Variants in ZP4 observed in about 807,000 individuals in gnomAD.
The protein encoded by ZP4 is zona pellucida sperm-binding protein 4.
A neutral mutation model predicts 62.3 loss-of-function variants in ZP4; 62 were observed. The ratio of observed to expected loss-of-function variants is 0.99; its 90% CI spans 0.81 to 1.23. The LOEUF (loss-of-function observed/expected upper bound fraction) is 1.23, where lower values mean the gene tolerates loss of function less well. ZP4 is among the 50% of genes most tolerant of loss of function. The pLI is 0.00. For missense variants in ZP4, 774 were observed against 656.0 expected (o/e 1.18, Z -1.97); for synonymous variants, 289 against 247.3 (o/e 1.17, Z -1.58).
chr1:237,884,694 G>T, intron 10 of ZP4, 75 bp downstream of exon 10: 3 of 1,384,676 alleles, frequency 2.2e-6, no homozygotes, highest in Non-Finnish European at 3.0e-6. Context: ...GAGTTGTTTG[G>T]CCAGAGACTA....
At chr1:237,883,989 C>CACACACACAA (rs1558530785) in intron 10 of ZP4, among the ~76,000 whole-genome samples, 3 of 49,034 alleles carry the variant, frequency 6.1e-5, no homozygotes, top group African/African-American at 2.4e-4. Context: ...CACAAACACA[C>CACACACACAA]ACACACACAC....
At chr1:237,883,997 C>CACACACACACACAA (rs1665018872) in intron 10 of ZP4, among the ~76,000 whole-genome samples, 5 of 98,904 alleles carry the variant, frequency 5.1e-5, no homozygotes, top group African/African-American at 2.4e-4. Flanking sequence ...CACACACACA[C>CACACACACACACAA]ACACACACAC....
Position 237,885,792 on chromosome 1 carries a change from G to T in ZP4, c.934C>A (p.Pro312Thr), listed in dbSNP as rs1301890553. Residue 312 changes from proline to threonine, a missense_variant, in exon 7 of 12, where the codon CCT becomes ACT. By Grantham distance (38) the Pro-to-Thr change is conservative. Coordinates refer to ENST00000366570, the MANE Select transcript of ZP4 (RefSeq NM_021186.5). ...TGAAGTTCCAGAGTGAGGGGTCCAG[G>T]CTGGGTCTCAGGAAAGGGTGGTGGG... ...TLPPPFPETQ[P>T]GPLTLELQIA... The T allele has an allele frequency of 6.2e-7, 1 of 1,614,142 alleles. No individual in the cohort carries two copies. The highest frequency in any genetic ancestry group is 1.1e-5 in the South Asian group (1 of 91,074).
chr1:237,883,917 G>A (rs1278965357), intron 10 of ZP4, among the ~76,000 whole-genome samples: 2 of 150,940 alleles, frequency 1.3e-5, no homozygotes, highest in East Asian at 3.9e-4. Context: ...CTGTAATCAT[G>A]CCATTGTACT....
chr1:237,884,180 A>G (rs1030841561), intron 10 of ZP4, among the ~76,000 whole-genome samples: 1 of 152,168 alleles, frequency 6.6e-6, no homozygotes, highest in Non-Finnish European at 1.5e-5. Flanking sequence ...AGTAGTGATA[A>G]TATGCATTTT....
At chr1:237,885,111 G>C (rs568918206) in intron 9 of ZP4, 54 bp downstream of exon 9, 6 of 1,588,408 alleles carry the variant, frequency 3.8e-6, no homozygotes, top group South Asian at 1.2e-5. Flanking sequence ...GGAAACAGTT[G>C]TAAGTTGGGG....
In ZP4 at chr1:237,890,673, G is replaced by C. The variant is rs775386290; in HGVS notation, c.-38C>G. 6.3e-7 allele frequency: 1 copy of C among 1,592,546 alleles called. No homozygotes were observed. The highest frequency in any genetic ancestry group is 1.1e-5 in the South Asian group (1 of 87,944). On this transcript the variant is annotated 5_prime_UTR_variant, in exon 1 of 12. Transcript: ENST00000366570. ...AGTTCCTGCCGGCTGCAGACTCTCC[G>C]CCTCCTCTCCCAAGAGCCGAGGGTC...
chr1:237,884,015 CAAACACACACACACACAA>C (rs1558531036), intron 10 of ZP4, among the ~76,000 whole-genome samples: 886 of 83,752 alleles, frequency 0.011, 12 homozygotes, highest in East Asian at 0.019. Flanking sequence ...CACACACACA[CAAACACACACACACACAA>C]ACACACACAA....
chr1:237,889,968 T>C lies in ZP4; in HGVS notation c.299A>G (p.Asp100Gly), dbSNP rs368414335. Residue 100 changes from aspartate to glycine, a missense_variant and splice_region_variant, in exon 3 of 12, where the codon GAC becomes GGC. Asp to Gly is a moderately conservative substitution (Grantham distance 94). Coordinates refer to ENST00000366570, the MANE Select transcript of ZP4 (RefSeq NM_021186.5). The part of the protein sequence containing the change: ...TYSSCYVTEW[D>G]SHYIMPVGVE... ...TCCAACTGGCATGATGTAGTGGGAGTCCTGGAGAGACAGGCCCTTGGGGGT... is the reference window on the plus strand; with the variant it reads ...TCCAACTGGCATGATGTAGTGGGAGCCCTGGAGAGACAGGCCCTTGGGGGT... 18 of 1,613,746 alleles carry C rather than the reference T, an allele frequency of 1.1e-5. No homozygotes were observed. The African/African-American group carries it at 2.0e-4, about 18-fold the overall frequency.
chr1:237,885,947 TTTC>T, intron 6 of ZP4, 61 bp from the exon 7 acceptor site: 1 of 1,600,596 alleles, frequency 6.2e-7, no homozygotes. Context: ...TTACACATCC[TTTC>T]TTTTTAACTC....
At chr1:237,890,316 G>A in intron 1 of ZP4, 140 bp from the exon 2 acceptor site, 3 of 1,502,474 alleles carry the variant, frequency 2.0e-6, no homozygotes, top group Non-Finnish European at 2.7e-6. Flanking sequence ...ATCAGATGTA[G>A]TTATAACTTA....
intron 6 of ZP4, 94 bp downstream of exon 6, chr1:237,886,677 C>T: frequency 9.7e-7 from 1 of 1,025,930 alleles, no homozygotes. Context: ...CAGGTTTTCT[C>T]CTATTGCTGA....
chr1:237,888,039 A>C (rs966626170), intron 4 of ZP4, among the ~76,000 whole-genome samples: 8 of 152,250 alleles, frequency 5.3e-5, no homozygotes, highest in African/African-American at 1.9e-4. Flanking sequence ...ACAGCCTTGA[A>C]GTGACTCTCC....
intron 10 of ZP4, among the ~76,000 whole-genome samples, chr1:237,883,892 C>T (rs931727844): frequency 5.3e-5 from 8 of 150,522 alleles, no homozygotes; most frequent in African/African-American, 2.0e-4. Flanking sequence ...CTCAGGAGGT[C>T]GAGGCTACCA....
intron 10 of ZP4, among the ~76,000 whole-genome samples, chr1:237,883,285 TTTA>T (rs1664958024): frequency 6.6e-6 from 1 of 152,010 alleles, no homozygotes; most frequent in African/African-American, 2.4e-5. Context: ...TATCCTATGT[TTTA>T]TTAAGAAAGA....
rs753477990 is a variant in ZP4 at position 237,887,508 on chromosome 1, C to T, written c.607G>A (p.Val203Met). Residue 203 changes from valine (V) to methionine (M), a missense_variant, in exon 5 of 12, where the codon GTG becomes ATG. Coordinates refer to ENST00000366570, the MANE Select transcript of ZP4 (RefSeq NM_021186.5). ...TCCAAGAGCAGTGGTGGCGAGGTCACGTTCCGAGACACAGCAATAGAGAAA... is the reference window on the plus strand; with the variant it reads ...TCCAAGAGCAGTGGTGGCGAGGTCATGTTCCGAGACACAGCAATAGAGAAA... ...GHFSIAVSRN[V>M]TSPPLLLDSV... 1.2e-5 allele frequency: 20 copies of T among 1,614,192 alleles called. No homozygotes were observed. The highest frequency in any genetic ancestry group is 8.9e-5 in the East Asian group (4 of 44,870).
intron 10 of ZP4, among the ~76,000 whole-genome samples, chr1:237,883,670 AGGGCGGGGGAGGGCG>A (rs1664977558): frequency 5.3e-4 from 2 of 3,764 alleles, no homozygotes; most frequent in African/African-American, 9.0e-4. Context: ...GGGCCGGGGG[AGGGCGGGGGAGGGCG>A]GGGGAGGGCG....
chr1:237,887,013 A>C, intron 5 of ZP4, 145 bp from the exon 6 acceptor site: 1 of 720,660 alleles, frequency 1.4e-6, no homozygotes, highest in South Asian at 1.8e-5. Context: ...CATAGCAGTG[A>C]CATCCTGGCA....
chr1:237,885,703 C>T, intron 7 of ZP4, 53 bp downstream of exon 7: 1 of 1,605,856 alleles, frequency 6.2e-7, no homozygotes, highest in African/African-American at 1.3e-5. Flanking sequence ...CTTCATGCCC[C>T]AGAAGACTGG....
Sources: allele counts gnomAD v4.1 joint callset (sites outside exome capture counted in the v4.1 genomes callset), GRCh38; gene constraint gnomAD v4.1.1; transcripts MANE v1.5; gene names NCBI Gene and HGNC (gene_info 2026-07-23, HGNC 2026-07-21).